Variants in NAV3 observed in about 807,000 individuals in gnomAD.
NAV3 encodes the protein neuron navigator 3.
In NAV3, 87 loss-of-function variants were observed where a neutral mutation model predicts 244.7. That is an observed-to-expected ratio of 0.36 (90% CI 0.30 to 0.42). The LOEUF is 0.42. Ranked by LOEUF, NAV3 falls within the 20% of genes least tolerant of loss-of-function variation. The pLI is 1.00. For synonymous variants in NAV3, 1,126 were observed against 1,042.2 expected (o/e 1.08, Z -1.55); for missense variants, 2,663 against 2,893.3 (o/e 0.92, Z 1.83).
At chr12:78,153,091 G>T (rs753907216) in intron 22 of NAV3, among the ~76,000 whole-genome samples, 4 of 151,784 alleles carry the variant, frequency 2.6e-5, no homozygotes, top group Non-Finnish European at 5.9e-5. Flanking sequence ...ATATTAATTG[G>T]TATATCGCAT....
At chr12:77,849,906 T>C (rs925552120) in intron 1 of NAV3, among the ~76,000 whole-genome samples, 1 of 152,122 alleles carries the variant, frequency 6.6e-6, no homozygotes, top group Non-Finnish European at 1.5e-5. Flanking sequence ...GTGGAGGATC[T>C]TCTAAGACAA....
intron 1 of NAV3, among the ~76,000 whole-genome samples, chr12:77,907,053 G>T (rs1886061284): frequency 6.6e-6 from 1 of 152,046 alleles, no homozygotes; most frequent in African/African-American, 2.4e-5. Context: ...TATGCTGATT[G>T]TCACTCATCC....
intron 12 of NAV3, among the ~76,000 whole-genome samples, chr12:78,073,298 AG>A (rs1420738608): frequency 1.5e-5 from 2 of 137,106 alleles, no homozygotes; most frequent in African/African-American, 2.7e-5. Context: ...CCATTGTCTC[AG>A]CCCAAAATCT....
intron 12 of NAV3, among the ~76,000 whole-genome samples, chr12:78,107,521 A>G (rs1954863625): frequency 6.6e-6 from 1 of 152,182 alleles, no homozygotes; most frequent in Non-Finnish European, 1.5e-5. Flanking sequence ...ATAACCTATG[A>G]AGTAAACCTT....
intron 1 of NAV3, among the ~76,000 whole-genome samples, chr12:77,835,594 C>A (rs35900501): frequency 0.21 from 32,295 of 152,082 alleles, 4,299 homozygotes; most frequent in Non-Finnish European, 0.29. Context: ...CCATAACTTG[C>A]CAGAAGTTGA....
intron 2 of NAV3, among the ~76,000 whole-genome samples, chr12:77,769,753 T>A (rs1869975103): frequency 6.6e-6 from 1 of 152,178 alleles, no homozygotes; most frequent in African/African-American, 2.4e-5. Context: ...AACAAGGAAG[T>A]GAACAGTTAC....
chr12:77,893,587 C>T (rs1175805099), intron 1 of NAV3, among the ~76,000 whole-genome samples: 1 of 148,094 alleles, frequency 6.8e-6, no homozygotes. Flanking sequence ...GATAGCCAAA[C>T]TAAAAAAAAA....
intron 39 of NAV3, among the ~76,000 whole-genome samples, chr12:78,208,390 G>A (rs917216121): frequency 5.3e-5 from 8 of 152,076 alleles, no homozygotes; most frequent in African/African-American, 9.7e-5. Flanking sequence ...ATAAAATTTC[G>A]ACAAGAGTTT....
At chr12:77,714,299 A>G (rs1160722803) in intron 2 of NAV3, among the ~76,000 whole-genome samples, 1 of 152,166 alleles carries the variant, frequency 6.6e-6, no homozygotes, top group Admixed American at 6.6e-5. Context: ...ACTCTATCCT[A>G]TACAAAAATT....
At chr12:78,005,646 T>C (rs1239058798) in intron 7 of NAV3, among the ~76,000 whole-genome samples, 11 of 152,228 alleles carry the variant, frequency 7.2e-5, no homozygotes, top group Non-Finnish European at 1.3e-4. Flanking sequence ...AAGAAAATTA[T>C]AGAGCTTGGG....
At chr12:77,853,625 A>G (rs1231719310) in intron 1 of NAV3, among the ~76,000 whole-genome samples, 1 of 152,176 alleles carries the variant, frequency 6.6e-6, no homozygotes, top group African/African-American at 2.4e-5. Context: ...CAACATACAC[A>G]ATAAAACAGG....
chr12:77,655,988 A>G (rs1362307454), intron 2 of NAV3, among the ~76,000 whole-genome samples: 2 of 144,458 alleles, frequency 1.4e-5, no homozygotes, highest in Non-Finnish European at 3.0e-5. Context: ...AAACAGTACC[A>G]GCTGCTGCAA....
rs575841207 is a variant in NAV3, at chr12:77,669,161, C to T, written c.72+96895C>T. On this transcript the variant is annotated intron_variant, in intron 2 of 8. Transcript: ENST00000550042. ...CCAAAACAAATGCTGAAAGAATTTGCCATTACCAAGACAGCACTACAAGAA... is the reference window on the plus strand; with the variant it reads ...CCAAAACAAATGCTGAAAGAATTTGTCATTACCAAGACAGCACTACAAGAA... 2.0e-5 allele frequency among the ~76,000 whole-genome samples: 3 copies of T among 152,180 alleles called. No homozygotes were observed. In the East Asian group the frequency reaches 5.8e-4, roughly 29 times the overall value.
At chr12:78,192,064 CAT>C (rs1445727256) in intron 34 of NAV3, among the ~76,000 whole-genome samples, 3 of 152,082 alleles carry the variant, frequency 2.0e-5, no homozygotes, top group Non-Finnish European at 4.4e-5. Flanking sequence ...AATTTTAAAA[CAT>C]AGCTTTCCCT....
intron 23 of NAV3, among the ~76,000 whole-genome samples, chr12:78,160,487 G>C (rs906877995): frequency 8.6e-5 from 13 of 151,732 alleles, no homozygotes; most frequent in African/African-American, 3.1e-4. Context: ...TTCTCAAAGA[G>C]ACCCATTATA....
intron 2 of NAV3, among the ~76,000 whole-genome samples, chr12:77,779,838 T>C (rs1276587973): frequency 6.6e-6 from 1 of 152,156 alleles, no homozygotes; most frequent in African/African-American, 2.4e-5. Flanking sequence ...AATTATTTGA[T>C]ATGAAAGGGG....
chr12:77,730,459 G>T (rs984050000), intron 2 of NAV3, among the ~76,000 whole-genome samples: 3 of 151,748 alleles, frequency 2.0e-5, no homozygotes, highest in Non-Finnish European at 4.4e-5. Flanking sequence ...CAGCTAAAAA[G>T]AAAACAAAGG....
At chr12:78,120,560 C>T (rs1413108255) in intron 15 of NAV3, among the ~76,000 whole-genome samples, 1 of 152,194 alleles carries the variant, frequency 6.6e-6, no homozygotes, top group Admixed American at 6.5e-5. Flanking sequence ...AACTCTTCAT[C>T]TGCTTTCTTT....
intron 2 of NAV3, among the ~76,000 whole-genome samples, chr12:77,695,515 G>C: frequency 6.6e-6 from 1 of 152,278 alleles, no homozygotes; most frequent in African/African-American, 2.4e-5. Context: ...CTATGTGTCT[G>C]TTTTTATGCC....
Sources: gnomAD v4.1 joint callset for allele counts (sites outside exome capture counted in the v4.1 genomes callset) on GRCh38, gnomAD v4.1.1 for gene constraint, MANE v1.5 for transcripts, NCBI Gene and HGNC (gene_info 2026-07-23, HGNC 2026-07-21) for gene names.